Variants in ADK observed in about 807,000 individuals in gnomAD.
ADK encodes the protein N6,N6-dimethyladenosine kinase.
In ADK, 24 loss-of-function variants were observed where a neutral mutation model predicts 44.7. The observed-to-expected ratio is 0.54, with a 90% CI of 0.39 to 0.76. The LOEUF is 0.76. Among genes scored for constraint, ADK ranks in the 30% least tolerant of loss-of-function variants. The pLI is 0.00. For synonymous variants in ADK, 128 were observed against 142.6 expected (o/e 0.90, Z 0.73); for missense variants, 321 against 425.1 (o/e 0.76, Z 2.15).
intron 3 of ADK, among the ~76,000 whole-genome samples, chr10:74,273,085 T>C (rs1204034188): frequency 2.6e-5 from 4 of 152,032 alleles, no homozygotes; most frequent in African/African-American, 9.7e-5. Context: ...TGTGCAGCCC[T>C]GATCCTCCTT....
chr10:74,570,338 G>T (rs1019503310), intron 7 of ADK, among the ~76,000 whole-genome samples: 8 of 152,132 alleles, frequency 5.3e-5, no homozygotes, highest in Admixed American at 2.6e-4. Context: ...GATGGGGATG[G>T]CATTGAATCT....
chr10:74,485,512 T>G (rs1055788518), intron 6 of ADK, among the ~76,000 whole-genome samples: 2 of 147,188 alleles, frequency 1.4e-5, no homozygotes, highest in African/African-American at 2.6e-5. Flanking sequence ...TAAATAATCC[T>G]TTGAAAAATA....
intron 6 of ADK, among the ~76,000 whole-genome samples, chr10:74,426,768 A>G (rs958179695): frequency 6.6e-6 from 1 of 152,050 alleles, no homozygotes; most frequent in Non-Finnish European, 1.5e-5. Context: ...TAAACAAACA[A>G]GTGAACTTAA....
intron 4 of ADK, among the ~76,000 whole-genome samples, chr10:74,347,449 T>C (rs182223643): frequency 3.9e-5 from 6 of 152,150 alleles, no homozygotes; most frequent in Non-Finnish European, 5.9e-5. Flanking sequence ...GTCGTGTGCC[T>C]ACACCACCAG....
intron 4 of ADK, among the ~76,000 whole-genome samples, chr10:74,328,670 C>T (rs1841103333): frequency 6.6e-6 from 1 of 152,150 alleles, no homozygotes; most frequent in Non-Finnish European, 1.5e-5. Context: ...GTTCCTCCTT[C>T]ACTCTCTGTC....
intron 6 of ADK, among the ~76,000 whole-genome samples, chr10:74,486,505 G>T (rs995273602): frequency 1.3e-5 from 2 of 152,066 alleles, no homozygotes; most frequent in Non-Finnish European, 2.9e-5. Context: ...ACACCAACAG[G>T]TATAGTTTTC....
chr10:74,572,042 C>T (rs1850987349), intron 7 of ADK, among the ~76,000 whole-genome samples: 1 of 152,150 alleles, frequency 6.6e-6, no homozygotes, highest in Non-Finnish European at 1.5e-5. Context: ...TTGATCCTGT[C>T]ATTATGATGT....
intron 6 of ADK, among the ~76,000 whole-genome samples, chr10:74,464,151 A>G (rs1250314416): frequency 1.3e-5 from 2 of 152,178 alleles, no homozygotes; most frequent in Non-Finnish European, 2.9e-5. Context: ...CACATAAGAC[A>G]TACCGTATAC....
intron 8 of ADK, among the ~76,000 whole-genome samples, chr10:74,595,778 C>T (rs1851900648): frequency 7.7e-6 from 1 of 130,168 alleles, no homozygotes; most frequent in African/African-American, 2.9e-5. Flanking sequence ...GGGTGGATCA[C>T]CTGAGGTCAG....
At chr10:74,355,054 G>T (rs558222016) in intron 4 of ADK, among the ~76,000 whole-genome samples, 1 of 152,188 alleles carries the variant, frequency 6.6e-6, no homozygotes, top group Admixed American at 6.5e-5. Context: ...TAAAGACAGG[G>T]TCTTGCTCTG....
rs1326823956 is a variant in ADK, at chr10:74,536,416, T to C, written c.726+10990T>C. ...TATCCACAGTAATACCATTGCTATG[T>C]TCTTGTGATATAACCAGATTATAAT... On this transcript the variant is annotated intron_variant, in intron 7 of 10. Transcript: ENST00000539909. Among the ~76,000 whole-genome samples, 4 of 152,234 alleles carry C rather than the reference T, an allele frequency of 2.6e-5. No homozygotes were observed. The East Asian group carries it at 5.8e-4, about 22-fold the overall frequency.
intron 3 of ADK, among the ~76,000 whole-genome samples, chr10:74,241,842 A>G (rs1462671378): frequency 1.3e-5 from 2 of 152,204 alleles, no homozygotes; most frequent in African/African-American, 4.8e-5. Flanking sequence ...AGTTGGGACT[A>G]TAGCTTGTGC....
intron 3 of ADK, among the ~76,000 whole-genome samples, chr10:74,253,315 A>G (rs370623806): frequency 6.6e-5 from 10 of 152,330 alleles, no homozygotes; most frequent in African/African-American, 2.2e-4. Context: ...GGAGTGGTTT[A>G]TGCAGAAATT....
At chr10:74,380,822 A>T (rs1842957930) in intron 4 of ADK, among the ~76,000 whole-genome samples, 1 of 152,208 alleles carries the variant, frequency 6.6e-6, no homozygotes. Flanking sequence ...TTCAGAAAAT[A>T]ATTATACTCA....
At chr10:74,560,725 T>G (rs1360453840) in intron 7 of ADK, among the ~76,000 whole-genome samples, 2 of 152,214 alleles carry the variant, frequency 1.3e-5, no homozygotes, top group Non-Finnish European at 2.9e-5. Flanking sequence ...CTAGTAGCAT[T>G]TCACCCAACA....
At chr10:74,619,012 T>TTGTGTGTGTGTGTGTG (rs56168944) in intron 9 of ADK, among the ~76,000 whole-genome samples, 29 of 139,474 alleles carry the variant, frequency 2.1e-4, no homozygotes, top group African/African-American at 7.8e-4. Flanking sequence ...TTTATGCTCT[T>TTGTGTGTGTGTGTGTG]TGTGTGTGTG....
At chr10:74,327,243 T>A (rs753335764) in intron 4 of ADK, among the ~76,000 whole-genome samples, 8 of 152,218 alleles carry the variant, frequency 5.3e-5, no homozygotes, top group Non-Finnish European at 1.0e-4. Flanking sequence ...TCAAAAAATC[T>A]TTTTGTTTCT....
chr10:74,311,789 A>T (rs1015173195), intron 3 of ADK, among the ~76,000 whole-genome samples: 1 of 152,228 alleles, frequency 6.6e-6, no homozygotes, highest in Non-Finnish European at 1.5e-5. Flanking sequence ...GAGATACTGT[A>T]ATCATGGATT....
At chr10:74,458,590 C>T (rs539753379) in intron 6 of ADK, among the ~76,000 whole-genome samples, 7 of 152,112 alleles carry the variant, frequency 4.6e-5, no homozygotes, top group South Asian at 4.1e-4. Context: ...TATATATTAT[C>T]GTTCAGTTTG....
Sources: gnomAD v4.1 joint callset for allele counts (sites outside exome capture counted in the v4.1 genomes callset) on GRCh38, gnomAD v4.1.1 for gene constraint, MANE v1.5 for transcripts, NCBI Gene and HGNC (gene_info 2026-07-23, HGNC 2026-07-21) for gene names.